The following OSBPL9 variants were observed in gnomAD, a reference collection of about 807,000 sequenced individuals.
OSBPL9 encodes oxysterol binding protein like 9, also known as oxysterol-binding protein-related protein 9.
A neutral mutation model predicts 106.6 loss-of-function variants in OSBPL9; 40 were observed. That is an observed-to-expected ratio of 0.38 (90% CI 0.29 to 0.49). OSBPL9 has a LOEUF of 0.49. Ranked by LOEUF, OSBPL9 falls within the 20% of genes least tolerant of loss-of-function variation. The pLI is 0.97. For synonymous variants in OSBPL9, 269 were observed against 295.4 expected, an observed-to-expected ratio of 0.91 and a Z score of 0.92; for missense variants, 609 against 887.2, an observed-to-expected ratio of 0.69 and a Z score of 3.98.
chr1:51,573,994 G>A (rs896897128), upstream of OSBPL9: 6 of 152,020 alleles, frequency 3.9e-5, no homozygotes, highest in South Asian at 4.2e-4. Context: ...ATCCTGCAGC[G>A]AGCTGAAATT....
intron 1 of OSBPL9, among the ~76,000 whole-genome samples, chr1:51,642,044 C>T (rs955986471): frequency 6.6e-5 from 10 of 151,922 alleles, no homozygotes; most frequent in Non-Finnish European, 7.4e-5. Flanking sequence ...TCCTTTGAGG[C>T]AGGTTTAACA....
chr1:51,715,117 A>G lies in OSBPL9; in HGVS notation c.318+1038A>G, dbSNP rs140838418. ...TAACCCTTTCTCTGTACTTTGTTCTATATCAGGAATTGACTTGATTAGATA... is the reference window on the plus strand; with the variant it reads ...TAACCCTTTCTCTGTACTTTGTTCTGTATCAGGAATTGACTTGATTAGATA... On this transcript the variant is annotated intron_variant, in intron 4 of 23. Transcript: ENST00000428468. Among the ~76,000 whole-genome samples, 973 of 152,324 alleles carry G rather than the reference A, an allele frequency of 6.4e-3. 8 individuals are homozygous for G. Among genetic ancestry groups the G allele is most frequent in the Non-Finnish European group, 0.011 (759 of 68,028 alleles).
chr1:51,557,494 T>G, the OSBPL9 span, among the ~76,000 whole-genome samples: 9 of 152,318 alleles, frequency 5.9e-5, no homozygotes, highest in Non-Finnish European at 1.0e-4. Flanking sequence ...TACATTAAAC[T>G]CATGGGCTAT....
intron 1 of OSBPL9, among the ~76,000 whole-genome samples, chr1:51,636,882 G>A (rs920363616): frequency 6.6e-6 from 1 of 152,198 alleles, no homozygotes; most frequent in Non-Finnish European, 1.5e-5. Context: ...ACATGTATTT[G>A]TAATCTAGTG....
intron 2 of OSBPL9, among the ~76,000 whole-genome samples, chr1:51,606,858 C>T (rs1204983840): frequency 6.6e-6 from 1 of 151,988 alleles, no homozygotes; most frequent in Non-Finnish European, 1.5e-5. Flanking sequence ...ACTAGCCTGG[C>T]TAACACGGTG....
At chr1:51,608,228 A>C (rs1044709571) in intron 2 of OSBPL9, among the ~76,000 whole-genome samples, 1 of 152,138 alleles carries the variant, frequency 6.6e-6, no homozygotes, top group African/African-American at 2.4e-5. Flanking sequence ...CATCAGCCTC[A>C]AGTGTCTTCT....
intron 1 of OSBPL9, among the ~76,000 whole-genome samples, chr1:51,645,405 A>G (rs1646090806): frequency 6.6e-6 from 1 of 151,766 alleles, no homozygotes. Context: ...CTACCCAGAT[A>G]TATATGATTT....
upstream of OSBPL9, among the ~76,000 whole-genome samples, chr1:51,616,027 T>TTGTGTGTGTG (rs1553150114): frequency 6.8e-6 from 1 of 147,360 alleles, no homozygotes; most frequent in African/African-American, 2.6e-5. Flanking sequence ...TTTTTTTTTT[T>TTGTGTGTGTG]TGTGTGAGAG....
chr1:51,542,406 G>A, the OSBPL9 span, among the ~76,000 whole-genome samples: 2 of 152,108 alleles, frequency 1.3e-5, no homozygotes, highest in Non-Finnish European at 2.9e-5. Flanking sequence ...TACATATCTT[G>A]TTGCCCTCAT....
At chr1:51,710,387 G>C (rs933719204) in intron 3 of OSBPL9, among the ~76,000 whole-genome samples, 2 of 152,110 alleles carry the variant, frequency 1.3e-5, no homozygotes, top group African/African-American at 2.4e-5. Flanking sequence ...CTGAGAGCCA[G>C]AAAAAACCCC....
At chr1:51,784,798 TC>T in intron 20 of OSBPL9, 1 of 590,954 alleles carries the variant, frequency 1.7e-6, no homozygotes, top group East Asian at 3.1e-5. Context: ...TAGGTTTCCT[TC>T]CTAAAAACCT....
chr1:51,702,462 G>A (rs1312951046), intron 3 of OSBPL9, among the ~76,000 whole-genome samples: 2 of 152,166 alleles, frequency 1.3e-5, no homozygotes, highest in African/African-American at 2.4e-5. Flanking sequence ...AGAAGTGTCT[G>A]TTCATATCCT....
At chr1:51,728,723 G>T (rs936954181) in intron 4 of OSBPL9, among the ~76,000 whole-genome samples, 1 of 151,952 alleles carries the variant, frequency 6.6e-6, no homozygotes, top group Non-Finnish European at 1.5e-5. Flanking sequence ...TGTTTTTGGG[G>T]TCTTCAACTC....
chr1:51,633,373 C>T (rs1202142442), intron 1 of OSBPL9, among the ~76,000 whole-genome samples: 1 of 151,294 alleles, frequency 6.6e-6, no homozygotes, highest in African/African-American at 2.4e-5. Flanking sequence ...TGTTCAAGAC[C>T]AGCCTGGGCA....
intron 1 of OSBPL9, among the ~76,000 whole-genome samples, chr1:51,580,100 G>T (rs1419333897): frequency 6.6e-6 from 1 of 152,050 alleles, no homozygotes; most frequent in African/African-American, 2.4e-5. Context: ...CAATTTACCT[G>T]CCTACTGCCT....
intron 1 of OSBPL9, among the ~76,000 whole-genome samples, chr1:51,642,417 C>T (rs1645859628): frequency 6.6e-6 from 1 of 152,256 alleles, no homozygotes; most frequent in African/African-American, 2.4e-5. Context: ...ATCATGAATG[C>T]ACACAAGGTA....
At chr1:51,681,094 CTATT>C (rs1446736060) in intron 3 of OSBPL9, among the ~76,000 whole-genome samples, 2 of 152,072 alleles carry the variant, frequency 1.3e-5, no homozygotes, top group Non-Finnish European at 2.9e-5. Context: ...TTCATTAACG[CTATT>C]TATTATTTCA....
the OSBPL9 span, among the ~76,000 whole-genome samples, chr1:51,538,968 C>A: frequency 6.6e-6 from 1 of 152,186 alleles, no homozygotes; most frequent in African/African-American, 2.4e-5. Context: ...TATTCCACCA[C>A]CCTAAAATCC....
chr1:51,705,464 A>G (rs1053815861), intron 3 of OSBPL9, among the ~76,000 whole-genome samples: 1 of 112,866 alleles, frequency 8.9e-6, no homozygotes, highest in African/African-American at 3.5e-5. Flanking sequence ...CCCAGGCTGG[A>G]GTGCAATGGC....
Sources: gnomAD v4.1 joint callset for allele counts (sites outside exome capture counted in the v4.1 genomes callset) on GRCh38, gnomAD v4.1.1 for gene constraint, MANE v1.5 for transcripts, NCBI Gene and HGNC (gene_info 2026-07-23, HGNC 2026-07-21) for gene names.